Variants in PBLD observed in about 807,000 individuals in gnomAD.
PBLD encodes the protein phenazine biosynthesis like protein domain containing, also known as phenazine biosynthesis-like domain-containing protein.
A neutral mutation model predicts 31.3 loss-of-function variants in PBLD; 26 were observed. The ratio of observed to expected loss-of-function variants is 0.83; its 90% CI spans 0.61 to 1.15. PBLD has a LOEUF of 1.15. Ranked by LOEUF, PBLD falls within the 50% of genes most tolerant of loss-of-function variation. The pLI, the probability that PBLD is intolerant of heterozygous loss-of-function variation, is 0.00. For missense variants in PBLD, 307 were observed against 351.7 expected (o/e 0.87, Z 1.02); for synonymous variants, 114 against 129.0 (o/e 0.88, Z 0.79).
intron 1 of PBLD, among the ~76,000 whole-genome samples, chr10:68,329,948 C>G (rs1185663203): frequency 6.6e-6 from 1 of 152,082 alleles, no homozygotes; most frequent in Admixed American, 6.6e-5. Context: ...TTTCACTTCT[C>G]TAGGACTTAG....
At chr10:68,323,935 C>G (rs188401093) in intron 1 of PBLD, among the ~76,000 whole-genome samples, 1 of 152,170 alleles carries the variant, frequency 6.6e-6, no homozygotes, top group Admixed American at 6.6e-5. Context: ...GCCAAATCTA[C>G]ATTCCTATCC....
At chr10:68,331,704 T>C (rs1211185015) in intron 1 of PBLD, 1 of 152,200 alleles carries the variant, frequency 6.6e-6, no homozygotes, top group Non-Finnish European at 1.5e-5. Context: ...CAGAATTTGT[T>C]CACGGTGGGG....
chr10:68,292,035 A>T lies in PBLD; in HGVS notation c.398T>A (p.Phe133Tyr), dbSNP rs1409094352. 6.3e-6 allele frequency: 10 copies of T among 1,591,414 alleles called. No homozygotes were observed. The highest frequency in any genetic ancestry group is 1.7e-4 in the Middle Eastern group (1 of 6,032). Reference protein sequence around the residue: ...LPLYPAHPQDFHEVEDLIKTA... With the variant: ...LPLYPAHPQDYHEVEDLIKTA... Reference sequence around the variant, plus strand: ...CTTTATCAAGTCCTCTACTTCATGGAAGTCCTAGATGGGGGGAAAAAAAAC... The same window carrying T: ...CTTTATCAAGTCCTCTACTTCATGGTAGTCCTAGATGGGGGGAAAAAAAAC... Residue 133 changes from phenylalanine (F) to tyrosine (Y), a missense_variant, in exon 6 of 10, where the codon TTC becomes TAC. Phe to Tyr is a conservative substitution (Grantham distance 22). Coordinates refer to ENST00000358769, the MANE Select transcript of PBLD (RefSeq NM_022129.4).
intron 8 of PBLD, 64 bp downstream of exon 8, chr10:68,288,419 A>C: frequency 6.5e-7 from 1 of 1,549,584 alleles, no homozygotes; most frequent in Non-Finnish European, 8.7e-7. Flanking sequence ...AGTGCACTTA[A>C]ATAACTATTT....
At chr10:68,325,310 T>A (rs1376400245) in intron 1 of PBLD, among the ~76,000 whole-genome samples, 1 of 151,412 alleles carries the variant, frequency 6.6e-6, no homozygotes, top group East Asian at 2.0e-4. Context: ...ATGCCTGTAA[T>A]CCCAGCACTT....
chr10:68,296,967 G>T lies in PBLD; in HGVS notation c.103C>A (p.His35Asn), dbSNP rs1287456240. ...TTCATCTCCCTTGCAATTTTCTGAT[G>T]CATGTCTTCATCCAATTCCTTAATT... ...LLENELDEDM[H>N]QKIAREMNLS... Residue 35 changes from histidine (H) to asparagine (N), a missense_variant, in exon 3 of 10, where the codon CAT becomes AAT. Coordinates refer to ENST00000358769, the MANE Select transcript of PBLD (RefSeq NM_022129.4). The T allele has an allele frequency of 3.1e-6, 5 of 1,613,118 alleles. No homozygotes were observed. Among genetic ancestry groups the T allele is most frequent in the Non-Finnish European group, 3.4e-6 (4 of 1,179,212 alleles).
intron 1 of PBLD, among the ~76,000 whole-genome samples, chr10:68,320,777 C>T (rs1211829248): frequency 6.6e-6 from 1 of 151,130 alleles, no homozygotes; most frequent in Non-Finnish European, 1.5e-5. Flanking sequence ...CCTAGGCCTC[C>T]CAAACTGCTA....
intron 1 of PBLD, among the ~76,000 whole-genome samples, chr10:68,326,022 T>C (rs2044914201): frequency 6.6e-6 from 1 of 152,174 alleles, no homozygotes; most frequent in South Asian, 2.1e-4. Context: ...GTGCATTTTT[T>C]TTTTAGCTCA....
At chr10:68,290,406 A>G (rs2044343920) in intron 6 of PBLD, among the ~76,000 whole-genome samples, 1 of 152,152 alleles carries the variant, frequency 6.6e-6, no homozygotes, top group African/African-American at 2.4e-5. Context: ...CCTTATCTGC[A>G]TGAGTTTGTA....
At chr10:68,314,791 T>A (rs528272035) in intron 1 of PBLD, among the ~76,000 whole-genome samples, 6 of 151,866 alleles carry the variant, frequency 4.0e-5, no homozygotes, top group Non-Finnish European at 5.9e-5. Flanking sequence ...AATTTAATTT[T>A]ATTTATTTAT....
At position 68,319,111 on chromosome 10, in the gene PBLD, G is replaced by GAAAGAAAGAAAGAAAGAAA. The variant is rs1554860577; in HGVS notation, c.-59-12209_-59-12208insTTTCTTTCTTTCTTTCTTT. On this transcript the variant is annotated intron_variant, in intron 1 of 9. Coordinates refer to ENST00000358769, the MANE Select transcript of PBLD (RefSeq NM_022129.4). Reference sequence around the variant, plus strand: ...AGAAAGAAAGAAAGAAAGAAAGAAAGGAAAAAGAAAGAAAGAGAGAAGGAG... The same window carrying GAAAGAAAGAAAGAAAGAAA: ...AGAAAGAAAGAAAGAAAGAAAGAAAGAAAGAAAGAAAGAAAGAAAGAAAAAGAAAGAAAGAGAGAAGGAG... Among the ~76,000 whole-genome samples, 555 of 115,584 alleles carry GAAAGAAAGAAAGAAAGAAA rather than the reference G, an allele frequency of 4.8e-3. 12 individuals are homozygous for GAAAGAAAGAAAGAAAGAAA. The highest frequency in any genetic ancestry group is 9.3e-3 in the East Asian group (37 of 3,986). The allele number at this position is 115,584 out of a possible 152,430, so 75.8% of individuals were successfully genotyped here.
At position 68,292,218 on chromosome 10, in the gene PBLD, T is replaced by C. The variant is rs1460424809; in HGVS notation, c.304A>G (p.Thr102Ala). 6.2e-7 allele frequency: 1 copy of C among 1,613,512 alleles called. No individual in the cohort carries two copies. Among genetic ancestry groups the C allele is most frequent in the East Asian group, 2.2e-5 (1 of 44,892 alleles). ...AGTTCTCCACTCAGAGTGACAAACGTGAGCGTGCTATTCATGTTTTCTGGC... is the reference window on the plus strand; with the variant it reads ...AGTTCTCCACTCAGAGTGACAAACGCGAGCGTGCTATTCATGTTTTCTGGC... Reference protein sequence around the residue: ...HKIKNMNSTLTFVTLSGELRA... With the variant: ...HKIKNMNSTLAFVTLSGELRA... Residue 102 changes from threonine to alanine, a missense_variant, in exon 5 of 10, where the codon ACG (threonine) becomes GCG (alanine). Coordinates refer to ENST00000358769, the MANE Select transcript of PBLD (RefSeq NM_022129.4).
intron 1 of PBLD, among the ~76,000 whole-genome samples, chr10:68,313,486 G>A (rs940254592): frequency 1.2e-4 from 19 of 152,150 alleles, no homozygotes; most frequent in African/African-American, 4.8e-5. Flanking sequence ...CATACTTCCC[G>A]GATGTCACAG....
At chr10:68,330,029 A>G (rs78318900) in intron 1 of PBLD, among the ~76,000 whole-genome samples, 3,046 of 152,062 alleles carry the variant, frequency 0.02, 105 homozygotes, top group African/African-American at 0.069. Flanking sequence ...CTTATGCTAC[A>G]CACTGTACTC....
At chr10:68,309,605 C>T (rs1486141327) in intron 1 of PBLD, among the ~76,000 whole-genome samples, 1 of 148,894 alleles carries the variant, frequency 6.7e-6, no homozygotes, top group Non-Finnish European at 1.5e-5. Flanking sequence ...GTCAGGAGAT[C>T]GAGACCATCC....
intron 2 of PBLD, among the ~76,000 whole-genome samples, chr10:68,301,834 C>A (rs577685680): frequency 6.6e-6 from 1 of 152,338 alleles, no homozygotes; most frequent in African/African-American, 2.4e-5. Flanking sequence ...GCTCTTTAAT[C>A]CTCTCTACCT....
At chr10:68,313,215 G>T (rs565184645) in intron 1 of PBLD, among the ~76,000 whole-genome samples, 1 of 152,178 alleles carries the variant, frequency 6.6e-6, no homozygotes, top group African/African-American at 2.4e-5. Context: ...GTGCCGGGCC[G>T]AGTTTCTTAT....
rs11372100 is a variant in PBLD at position 68,303,822 on chromosome 10, C to CAA, written c.84+2937_84+2938dup. ...TTTTGAATAACTTAAAACAAAGCTA[C>CAA]AAAAAAAAAAATCATCTGAAGCCCT... On this transcript the variant is annotated intron_variant, in intron 2 of 9. Coordinates refer to ENST00000358769, the MANE Select transcript of PBLD (RefSeq NM_022129.4). Among the ~76,000 whole-genome samples the CAA allele has an allele frequency of 8.0e-3, 1,197 of 149,086 alleles. 7 individuals carry two copies. Among genetic ancestry groups the CAA allele is most frequent in the African/African-American group, 0.013 (513 of 40,726 alleles).
chr10:68,307,488 G>GT (rs1221860822), intron 1 of PBLD, among the ~76,000 whole-genome samples: 1 of 151,632 alleles, frequency 6.6e-6, no homozygotes, highest in African/African-American at 2.4e-5. Context: ...CTTAGGATCT[G>GT]TTTTTTGTTT....
Sources: gnomAD v4.1 joint callset for allele counts (sites outside exome capture counted in the v4.1 genomes callset) on GRCh38, gnomAD v4.1.1 for gene constraint, MANE v1.5 for transcripts, NCBI Gene and HGNC (gene_info 2026-07-23, HGNC 2026-07-21) for gene names.